Variants in CLNK observed in about 807,000 individuals in gnomAD.
CLNK encodes cytokine-dependent hematopoietic cell linker.
CLNK carries 74 observed loss-of-function variants against 68.6 expected under a neutral mutation model. The observed-to-expected ratio is 1.08, with a 90% confidence interval of 0.89 to 1.31. The LOEUF (loss-of-function observed/expected upper bound fraction) is 1.31, where lower values mean the gene tolerates loss of function less well. Ranked by LOEUF, CLNK falls within the 50% of genes most tolerant of loss-of-function variation. The pLI, the probability that CLNK is intolerant of heterozygous loss-of-function variation, is 0.00. For missense variants in CLNK, 553 were observed against 515.3 expected, an observed-to-expected ratio of 1.07 and a Z score of -0.71; for synonymous variants, 198 against 172.2, an observed-to-expected ratio of 1.15 and a Z score of -1.17.
upstream of CLNK, among the ~76,000 whole-genome samples, chr4:10,687,577 A>G (rs945673744): frequency 1.3e-5 from 2 of 152,176 alleles, no homozygotes; most frequent in African/African-American, 4.8e-5. Context: ...CCGGGATCAC[A>G]TTCAAGGCCA....
chr4:10,631,822 C>G (rs552435034), intron 2 of CLNK, among the ~76,000 whole-genome samples: 103 of 152,356 alleles, frequency 6.8e-4, no homozygotes, highest in Non-Finnish European at 1.2e-3. Flanking sequence ...TTTAGTGAAG[C>G]TCACACAGGC....
intron 11 of CLNK, among the ~76,000 whole-genome samples, chr4:10,536,771 C>A (rs1393274059): frequency 1.3e-5 from 2 of 152,194 alleles, no homozygotes; most frequent in South Asian, 2.1e-4. Flanking sequence ...CTCATCACAT[C>A]TAAAAATGAT....
chr4:10,622,166 C>T (rs61794855), intron 2 of CLNK, among the ~76,000 whole-genome samples: 6,273 of 152,260 alleles, frequency 0.041, 189 homozygotes, highest in Middle Eastern at 0.099. Context: ...TTCTCTTCCC[C>T]TTTATTTGGT....
chr4:10,607,340 G>A lies in CLNK; in HGVS notation c.12-9291C>T, dbSNP rs139690585. Among the ~76,000 whole-genome samples the A allele has an allele frequency of 3.4e-3, 514 of 152,300 alleles. 3 individuals are homozygous for A. The highest frequency in any genetic ancestry group is 8.5e-3 in the African/African-American group (352 of 41,572). On this transcript the variant is annotated intron_variant, in intron 2 of 18. Transcript: ENST00000226951. ...TCATACTGGAGTTTGAGCTGCCAGT[G>A]AAGACACAGTGGGTCTTGTTATCTA...
chr4:10,532,329 T>G, intron 11 of CLNK, 46 bp from the exon 12 acceptor site: 2 of 1,509,742 alleles, frequency 1.3e-6, no homozygotes, highest in Non-Finnish European at 1.8e-6. Flanking sequence ...CAGTTCATAA[T>G]GACCAAGATA....
At chr4:10,658,288 A>G (rs1418067515) in intron 2 of CLNK, among the ~76,000 whole-genome samples, 4 of 152,214 alleles carry the variant, frequency 2.6e-5, no homozygotes, top group African/African-American at 7.2e-5. Flanking sequence ...ATCAGGTCCT[A>G]TGAATCTTTA....
At position 10,549,604 on chromosome 4, in the gene CLNK, T is replaced by C. The variant is rs574385928; in HGVS notation, c.446-7324A>G. Among the ~76,000 whole-genome samples the C allele has an allele frequency of 2.6e-5, 4 of 152,330 alleles. No homozygotes were observed. The South Asian group carries it at 6.2e-4, about 24-fold the overall frequency. ...CTTATTTATACTTCATGGAAATTCA[T>C]GTGTGGAATAAATGAATTGATGCAC... On this transcript the variant is annotated intron_variant, in intron 8 of 18. Transcript: ENST00000226951.
intron 2 of CLNK, among the ~76,000 whole-genome samples, chr4:10,616,446 GTAT>G (rs1722228921): frequency 6.6e-6 from 1 of 152,166 alleles, no homozygotes; most frequent in African/African-American, 2.4e-5. Flanking sequence ...ATATTGAAAA[GTAT>G]TATCTGATTC....
chr4:10,643,109 C>T (rs1723373081), intron 2 of CLNK, among the ~76,000 whole-genome samples: 1 of 152,164 alleles, frequency 6.6e-6, no homozygotes, highest in Non-Finnish European at 1.5e-5. Flanking sequence ...GTGACCCTCG[C>T]CTTCACGTTT....
intron 2 of CLNK, among the ~76,000 whole-genome samples, chr4:10,612,448 A>G (rs1722067719): frequency 6.6e-6 from 1 of 152,224 alleles, no homozygotes; most frequent in African/African-American, 2.4e-5. Flanking sequence ...ACAACATTTC[A>G]GGTTAAGCCA....
chr4:10,688,953 C>G (rs533731839), upstream of CLNK, among the ~76,000 whole-genome samples: 1 of 152,016 alleles, frequency 6.6e-6, no homozygotes, highest in South Asian at 2.1e-4. Flanking sequence ...CAGTTTCCCC[C>G]CGAGAAACAG....
intron 2 of CLNK, among the ~76,000 whole-genome samples, chr4:10,650,744 C>T (rs1411902170): frequency 6.6e-6 from 1 of 151,894 alleles, no homozygotes; most frequent in Admixed American, 6.6e-5. Context: ...GTTCTTCATA[C>T]TGAAAAATGC....
At chr4:10,531,615 A>AT (rs565139355) in intron 12 of CLNK, 65 of 380,562 alleles carry the variant, frequency 1.7e-4, no homozygotes, top group African/African-American at 1.4e-3. Flanking sequence ...CTAATTTTGT[A>AT]TTTTTTGTAG....
the CLNK span, among the ~76,000 whole-genome samples, chr4:10,730,941 A>G: frequency 6.6e-6 from 1 of 152,262 alleles, no homozygotes; most frequent in African/African-American, 2.4e-5. Flanking sequence ...GGACTTTACT[A>G]AGGTTTAGTT....
intron 3 of CLNK, among the ~76,000 whole-genome samples, chr4:10,590,825 T>C (rs1055925432): frequency 1.3e-5 from 2 of 152,202 alleles, no homozygotes; most frequent in African/African-American, 2.4e-5. Flanking sequence ...AACTGAGCAC[T>C]GTACAAAAAT....
At chr4:10,547,943 C>T (rs2108812487) in intron 8 of CLNK, among the ~76,000 whole-genome samples, 1 of 152,192 alleles carries the variant, frequency 6.6e-6, no homozygotes, top group South Asian at 2.1e-4. Flanking sequence ...ATAATGCTGC[C>T]ATGAACAGAG....
chr4:10,565,169 C>T (rs990616384), intron 6 of CLNK, among the ~76,000 whole-genome samples: 1 of 152,156 alleles, frequency 6.6e-6, no homozygotes, highest in African/African-American at 2.4e-5. Context: ...CTGCTGGTTT[C>T]TGCCACTAGA....
chr4:10,499,529 A>G (rs773419147), intron 18 of CLNK, among the ~76,000 whole-genome samples: 8 of 152,164 alleles, frequency 5.3e-5, no homozygotes, highest in African/African-American at 1.2e-4. Flanking sequence ...CAGCCTGCGC[A>G]TCGATTTCAC....
At chr4:10,594,745 T>C (rs1286681145) in intron 3 of CLNK, among the ~76,000 whole-genome samples, 2 of 152,204 alleles carry the variant, frequency 1.3e-5, no homozygotes, top group South Asian at 2.1e-4. Flanking sequence ...CATATACTTA[T>C]AAATAAGAAT....
Sources: allele counts gnomAD v4.1 joint callset (sites outside exome capture counted in the v4.1 genomes callset), GRCh38; gene constraint gnomAD v4.1.1; transcripts MANE v1.5; gene names NCBI Gene and HGNC (gene_info 2026-07-23, HGNC 2026-07-21).